The following CAPN9 variants were observed in gnomAD, a reference collection of about 807,000 sequenced individuals.
The protein encoded by CAPN9 is calpain-9.
In CAPN9, 81 loss-of-function variants were observed where a neutral mutation model predicts 92.8. The observed-to-expected ratio is 0.87, with a 90% CI of 0.73 to 1.05. CAPN9 has a LOEUF of 1.05. CAPN9 is among the 50% of genes least tolerant of loss of function. CAPN9 has a pLI of 0.00. For synonymous variants in CAPN9, 304 were observed against 328.0 expected (o/e 0.93, Z 0.79); for missense variants, 848 against 866.2 (o/e 0.98, Z 0.26).
intron 4 of CAPN9, among the ~76,000 whole-genome samples, chr1:230,765,226 C>CACACACACACAG (rs1665902480): frequency 2.0e-5 from 3 of 147,326 alleles, no homozygotes; most frequent in South Asian, 4.3e-4. Flanking sequence ...CACACACACA[C>CACACACACACAG]ACACACACAC....
At chr1:230,794,259 G>A (rs1668193194) in intron 17 of CAPN9, among the ~76,000 whole-genome samples, 1 of 152,124 alleles carries the variant, frequency 6.6e-6, no homozygotes, top group Non-Finnish European at 1.5e-5. Flanking sequence ...CTAGGTGGGT[G>A]GATCATGAGG....
intron 1 of CAPN9, among the ~76,000 whole-genome samples, chr1:230,751,451 G>A (rs1360644324): frequency 6.6e-6 from 1 of 150,526 alleles, no homozygotes; most frequent in Admixed American, 6.6e-5. Flanking sequence ...AGAAGGAGAG[G>A]AAGAGAGAGA....
At chr1:230,769,616 CCT>C (rs1491312116) in intron 6 of CAPN9, among the ~76,000 whole-genome samples, 35 of 115,980 alleles carry the variant, frequency 3.0e-4, no homozygotes, top group Admixed American at 6.8e-4. Flanking sequence ...CACACACACA[CCT>C]ATCTATCTAT....
chr1:230,801,863 C>T lies in CAPN9; in HGVS notation c.*267C>T. On this transcript the variant is annotated 3_prime_UTR_variant, in exon 20 of 20. Transcript: ENST00000271971. The stretch of plus-strand genomic sequence containing the variant: ...TCCAGGTTCAGGCATCACTAGCTTT[C>T]CCACACTCTACTTTCCTTATTTCCT... 1 of 525,306 alleles carries T rather than the reference C, an allele frequency of 1.9e-6. No individual in the cohort carries two copies. The highest frequency in any genetic ancestry group is 3.4e-6 in the Non-Finnish European group (1 of 294,688). The allele number at this position is 525,306 out of a possible 1,614,324, so 32.5% of individuals were successfully genotyped here. A position where few individuals can be genotyped will look rare whatever the true frequency, so the allele number is the denominator to read the frequency against.
intron 6 of CAPN9, among the ~76,000 whole-genome samples, 190 bp from the exon 7 acceptor site, chr1:230,771,824 G>A (rs1342095770): frequency 1.3e-5 from 2 of 152,212 alleles, no homozygotes; most frequent in African/African-American, 4.8e-5. Flanking sequence ...TATTCAATAG[G>A]AATTAGAAGG....
intron 8 of CAPN9, among the ~76,000 whole-genome samples, chr1:230,778,676 C>T (rs1486622105): frequency 6.6e-6 from 1 of 152,118 alleles, no homozygotes; most frequent in African/African-American, 2.4e-5. Context: ...GCTTCTCTTA[C>T]CTCCCTGTTT....
intron 3 of CAPN9, 77 bp downstream of exon 3, chr1:230,759,707 GGT>G: frequency 1.1e-6 from 1 of 879,486 alleles, no homozygotes; most frequent in Non-Finnish European, 1.8e-6. Context: ...CACACTGCCT[GGT>G]AACCCTAGAA....
intron 1 of CAPN9, among the ~76,000 whole-genome samples, chr1:230,749,465 G>A (rs1664630129): frequency 6.6e-6 from 1 of 152,240 alleles, no homozygotes; most frequent in Non-Finnish European, 1.5e-5. Context: ...GGGCGCGTGG[G>A]CAGCTGCCCA....
At chr1:230,758,144 C>T (rs949012753) in intron 2 of CAPN9, among the ~76,000 whole-genome samples, 1 of 152,166 alleles carries the variant, frequency 6.6e-6, no homozygotes, top group Non-Finnish European at 1.5e-5. Context: ...GCTGAAAACA[C>T]GTGAGGTGTT....
chr1:230,793,421 A>G (rs1668139738), intron 17 of CAPN9, among the ~76,000 whole-genome samples: 1 of 152,184 alleles, frequency 6.6e-6, no homozygotes, highest in Non-Finnish European at 1.5e-5. Context: ...TGAATCCAAA[A>G]TGGATGACTG....
intron 5 of CAPN9, among the ~76,000 whole-genome samples, chr1:230,768,790 C>G (rs991876801): frequency 6.6e-6 from 1 of 152,084 alleles, no homozygotes; most frequent in Non-Finnish European, 1.5e-5. Flanking sequence ...GCCAGTTCCT[C>G]TGCACTTTCA....
chr1:230,779,722 G>A (rs1176349330), intron 9 of CAPN9, among the ~76,000 whole-genome samples: 2 of 152,132 alleles, frequency 1.3e-5, no homozygotes, highest in African/African-American at 4.8e-5. Flanking sequence ...GTGGCAAAAA[G>A]GACTGGCACA....
At chr1:230,772,418 TGTGA>T (rs763691795) in intron 7 of CAPN9, among the ~76,000 whole-genome samples, 6 of 152,232 alleles carry the variant, frequency 3.9e-5, no homozygotes, top group East Asian at 1.9e-4. Flanking sequence ...TATCTGTAGT[TGTGA>T]GTAACTCCAG....
chr1:230,751,193 C>A (rs1352890393), intron 1 of CAPN9, among the ~76,000 whole-genome samples: 5 of 152,202 alleles, frequency 3.3e-5, no homozygotes, highest in Admixed American at 2.0e-4. Flanking sequence ...GCCTCTCCTG[C>A]ACGGTGAGCT....
At chr1:230,774,138 G>C (rs113765160) in intron 7 of CAPN9, among the ~76,000 whole-genome samples, 220 of 152,348 alleles carry the variant, frequency 1.4e-3, no homozygotes, top group African/African-American at 5.1e-3. Context: ...ACCTTTCCAA[G>C]TGTCAGCTTG....
At chr1:230,764,823 T>C (rs554437208) in intron 4 of CAPN9, among the ~76,000 whole-genome samples, 1 of 152,314 alleles carries the variant, frequency 6.6e-6, no homozygotes, top group Non-Finnish European at 1.5e-5. Flanking sequence ...GAATGATCCA[T>C]GCAGATTAGA....
intron 11 of CAPN9, among the ~76,000 whole-genome samples, chr1:230,785,054 C>G (rs2102910156): frequency 6.6e-6 from 1 of 152,338 alleles, no homozygotes. Flanking sequence ...AATGACTGCC[C>G]TGCTGGGTTT....
chr1:230,760,494 C>T (rs12026211), intron 3 of CAPN9, among the ~76,000 whole-genome samples: 1 of 152,290 alleles, frequency 6.6e-6, no homozygotes, highest in East Asian at 1.9e-4. Flanking sequence ...GTCCCTGAAG[C>T]CTGCAATCTG....
At chr1:230,751,605 GAAAGAGAAAGAAAGAAAGAAAGAAAGAA>G (rs1214987647) in intron 1 of CAPN9, among the ~76,000 whole-genome samples, 1,356 of 30,050 alleles carry the variant, frequency 0.045, 43 homozygotes, top group Admixed American at 0.078. Flanking sequence ...AAGAAAGAAA[GAAAGAGAAAGAAAGAAAGAAAGAAAGAA>G]AGAAAGAAAG....
Sources: gnomAD v4.1 joint callset for allele counts (sites outside exome capture counted in the v4.1 genomes callset) on GRCh38, gnomAD v4.1.1 for gene constraint, MANE v1.5 for transcripts, NCBI Gene and HGNC (gene_info 2026-07-23, HGNC 2026-07-21) for gene names.